The following WDR27 variants were observed in gnomAD, a reference collection of about 807,000 sequenced individuals.
The protein encoded by WDR27 is WD repeat domain 27, also known as WD repeat-containing protein 27.
Under a neutral mutation model 114.4 loss-of-function variants are expected in WDR27, and 100 were observed. The observed-to-expected ratio is 0.87, with a 90% confidence interval of 0.74 to 1.03. The LOEUF is 1.03. WDR27 is among the 50% of genes least tolerant of loss of function. WDR27 has a pLI of 0.00. For missense variants in WDR27, 1,129 were observed against 1,092.9 expected (o/e 1.03, Z -0.47); for synonymous variants, 449 against 423.1 (o/e 1.06, Z -0.75).
At chr6:169,445,120 G>A in the WDR27 span, among the ~76,000 whole-genome samples, 1 of 152,192 alleles carries the variant, frequency 6.6e-6, no homozygotes, top group East Asian at 1.9e-4. Context: ...ACTGAGCTAA[G>A]TAAAAATACC....
chr6:169,613,156 G>A (rs1162929214), intron 22 of WDR27, among the ~76,000 whole-genome samples: 2 of 152,206 alleles, frequency 1.3e-5, no homozygotes, highest in African/African-American at 4.8e-5. Context: ...TGTGACCTGA[G>A]GAGGTAGGAA....
At chr6:169,696,383 C>T (rs1186503312) in intron 1 of WDR27, among the ~76,000 whole-genome samples, 3 of 152,206 alleles carry the variant, frequency 2.0e-5, no homozygotes, top group Non-Finnish European at 4.4e-5. Flanking sequence ...CACATACACA[C>T]ATGCATGCAC....
At chr6:169,626,810 G>A (rs1405950365) in intron 21 of WDR27, among the ~76,000 whole-genome samples, 2 of 152,222 alleles carry the variant, frequency 1.3e-5, no homozygotes, top group Non-Finnish European at 2.9e-5. Context: ...GAGGCCATGC[G>A]TTCATCCAGT....
In WDR27 at chr6:169,457,292, T is replaced by C. The variant is rs554419753; in HGVS notation, c.*300A>G. On this transcript the variant is annotated 3_prime_UTR_variant, in exon 26 of 26. Coordinates refer to ENST00000448612, the MANE Select transcript of WDR27 (RefSeq NM_182552.5). Reference sequence around the variant, plus strand: ...AACTCTAATTATCAAACAAATACTATATTATGTTTTATTGAAAGATATTTT... The same window carrying C: ...AACTCTAATTATCAAACAAATACTACATTATGTTTTATTGAAAGATATTTT... 12 of 271,510 alleles carry C rather than the reference T, an allele frequency of 4.4e-5. No individual in the cohort carries two copies. The highest frequency in any genetic ancestry group is 2.4e-4 in the African/African-American group (11 of 45,166). The allele number at this position is 271,510 out of a possible 1,614,324, so 16.8% of individuals were successfully genotyped here. A position where few individuals can be genotyped will look rare whatever the true frequency, so the allele number is the denominator to read the frequency against.
At chr6:169,613,719 A>G in intron 21 of WDR27, 63 bp from the exon 22 acceptor site, 1 of 1,377,654 alleles carries the variant, frequency 7.3e-7, no homozygotes, top group African/African-American at 1.4e-5. Flanking sequence ...GCGTTATGCT[A>G]ATGATATCTC....
At chr6:169,646,766 A>G (rs1000620988) in intron 16 of WDR27, among the ~76,000 whole-genome samples, 1 of 151,864 alleles carries the variant, frequency 6.6e-6, no homozygotes, top group African/African-American at 2.4e-5. Context: ...AAAAAAAAGA[A>G]AAGAAAGAAA....
At chr6:169,595,776 T>C (rs900454878) in intron 23 of WDR27, among the ~76,000 whole-genome samples, 1 of 115,668 alleles carries the variant, frequency 8.6e-6, no homozygotes, top group African/African-American at 3.0e-5. Flanking sequence ...ACCTTGGTTT[T>C]ATACAGCTTT....
intron 25 of WDR27, among the ~76,000 whole-genome samples, chr6:169,472,691 G>T (rs1446451701): frequency 1.3e-5 from 2 of 152,102 alleles, no homozygotes; most frequent in East Asian, 3.8e-4. Context: ...ATTCCTATAA[G>T]TAATAAACTA....
At chr6:169,438,480 G>A in the WDR27 span, among the ~76,000 whole-genome samples, 2 of 152,008 alleles carry the variant, frequency 1.3e-5, no homozygotes, top group Non-Finnish European at 1.5e-5. Flanking sequence ...CTCGTGATCT[G>A]CCCACCTCGG....
At chr6:169,446,161 C>T in the WDR27 span, among the ~76,000 whole-genome samples, 1 of 152,366 alleles carries the variant, frequency 6.6e-6, no homozygotes, top group East Asian at 1.9e-4. Flanking sequence ...GAGGAGCAGA[C>T]CTGCTGCTGA....
chr6:169,585,389 C>T (rs1804340716), intron 23 of WDR27, among the ~76,000 whole-genome samples: 1 of 152,162 alleles, frequency 6.6e-6, no homozygotes, highest in Non-Finnish European at 1.5e-5. Context: ...TAGGCCTTCC[C>T]AATGATTCTG....
At chr6:169,583,300 GGAAAAA>G (rs1562629430) in intron 23 of WDR27, among the ~76,000 whole-genome samples, 1 of 56,826 alleles carries the variant, frequency 1.8e-5, no homozygotes, top group Non-Finnish European at 6.2e-5. Flanking sequence ...CAAATTGAAT[GGAAAAA>G]AAAAAAAAAA....
At chr6:169,517,209 A>G (rs1583918334) in intron 25 of WDR27, among the ~76,000 whole-genome samples, 1 of 152,260 alleles carries the variant, frequency 6.6e-6, no homozygotes, top group East Asian at 1.9e-4. Flanking sequence ...CAACTCTGCC[A>G]TGTGACACAT....
chr6:169,515,618 A>C (rs2128056373), intron 25 of WDR27, among the ~76,000 whole-genome samples: 1 of 152,182 alleles, frequency 6.6e-6, no homozygotes, highest in Middle Eastern at 3.4e-3. Context: ...ATAATTTGGT[A>C]ATTGAAAGCC....
chr6:169,538,022 G>A (rs1471101821), intron 25 of WDR27, among the ~76,000 whole-genome samples: 1 of 151,834 alleles, frequency 6.6e-6, no homozygotes, highest in Non-Finnish European at 1.5e-5. Flanking sequence ...AAATAAATTG[G>A]GTGTGTATGT....
chr6:169,650,166 A>C, intron 14 of WDR27, among the ~76,000 whole-genome samples: 2 of 117,182 alleles, frequency 1.7e-5, no homozygotes, highest in Admixed American at 8.6e-5. Flanking sequence ...CCCTCCATCC[A>C]TCCCTCTACT....
At chr6:169,630,452 G>T (rs553666352) in intron 21 of WDR27, among the ~76,000 whole-genome samples, 6 of 152,134 alleles carry the variant, frequency 3.9e-5, no homozygotes, top group Non-Finnish European at 8.8e-5. Context: ...CTGCACTCAG[G>T]TATCTTAAAG....
intron 8 of WDR27, among the ~76,000 whole-genome samples, chr6:169,662,705 A>G (rs934852606): frequency 6.3e-5 from 9 of 143,256 alleles, no homozygotes; most frequent in Middle Eastern, 3.5e-3. Flanking sequence ...CTAGGGTAAC[A>G]CCCAGCATGA....
At chr6:169,531,865 G>A (rs575092792) in intron 25 of WDR27, among the ~76,000 whole-genome samples, 9 of 152,192 alleles carry the variant, frequency 5.9e-5, no homozygotes, top group African/African-American at 1.9e-4. Context: ...TGTTGGCGAC[G>A]ATGGTCTCAA....
Sources: allele counts gnomAD v4.1 joint callset (sites outside exome capture counted in the v4.1 genomes callset), GRCh38; gene constraint gnomAD v4.1.1; transcripts MANE v1.5; gene names NCBI Gene and HGNC (gene_info 2026-07-23, HGNC 2026-07-21).